RBM6: variants seen among roughly 807,000 people sequenced by gnomAD.
The protein encoded by RBM6 is RNA binding motif protein 6, also known as RNA-binding protein 6.
RBM6 carries 23 observed loss-of-function variants against 140.4 expected under a neutral mutation model. The ratio of observed to expected loss-of-function variants is 0.16; its 90% confidence interval spans 0.12 to 0.23. The LOEUF (loss-of-function observed/expected upper bound fraction) is 0.23. Among genes scored for constraint, RBM6 ranks in the 10% least tolerant of loss-of-function variants. The probability of loss-of-function intolerance (pLI) is 1.00; values close to 1 mark genes in which losing one functional copy is unlikely to be tolerated. For missense variants in RBM6, 1,139 were observed against 1,386.7 expected, an observed-to-expected ratio of 0.82 and a Z score of 2.84; for synonymous variants, 439 against 475.6, an observed-to-expected ratio of 0.92 and a Z score of 1.00.
chr3:49,952,778 G>A (rs563716805), intron 1 of RBM6, among the ~76,000 whole-genome samples: 18 of 152,228 alleles, frequency 1.2e-4, no homozygotes, highest in African/African-American at 3.9e-4. Flanking sequence ...GATTACAGGC[G>A]TGTGCCACTG....
At chr3:49,992,749 AAAG>A (rs1269805848) in intron 5 of RBM6, among the ~76,000 whole-genome samples, 2 of 152,198 alleles carry the variant, frequency 1.3e-5, no homozygotes, top group Non-Finnish European at 2.9e-5. Flanking sequence ...TACAGAAATG[AAAG>A]AAGATCACAG....
intron 2 of RBM6, among the ~76,000 whole-genome samples, chr3:49,964,128 A>G (rs2108622915): frequency 6.6e-6 from 1 of 152,172 alleles, no homozygotes; most frequent in Middle Eastern, 3.4e-3. Context: ...GCTGATCTCA[A>G]ACTCCTGACC....
intron 19 of RBM6, among the ~76,000 whole-genome samples, chr3:50,071,077 C>T (rs1480967108): frequency 6.6e-6 from 1 of 152,194 alleles, no homozygotes; most frequent in East Asian, 1.9e-4. Context: ...CATAGATTAT[C>T]CTTGACTGAA....
chr3:50,067,287 G>A lies in RBM6; in HGVS notation c.2943+785G>A, dbSNP rs146187328. On this transcript the variant is annotated intron_variant, in intron 17 of 20. Transcript: ENST00000266022. Reference sequence around the variant, plus strand: ...CTATCATTAAAACAGTCCAATTCAAGAATGAATTGCTCTGGATTAAGGTTA... The same window carrying A: ...CTATCATTAAAACAGTCCAATTCAAAAATGAATTGCTCTGGATTAAGGTTA... Among the ~76,000 whole-genome samples the A allele has an allele frequency of 6.0e-3, 888 of 147,352 alleles. 3 individuals carry two copies. The highest frequency in any genetic ancestry group is 9.8e-3 in the Non-Finnish European group (661 of 67,210).
intron 15 of RBM6, among the ~76,000 whole-genome samples, chr3:50,063,139 T>C (rs188127269): frequency 6.6e-6 from 1 of 152,250 alleles, no homozygotes; most frequent in Non-Finnish European, 1.5e-5. Flanking sequence ...GTAAGCTTCC[T>C]GTCTCAGTCT....
intron 5 of RBM6, among the ~76,000 whole-genome samples, chr3:49,987,839 G>A (rs968259478): frequency 4.0e-5 from 6 of 151,856 alleles, no homozygotes; most frequent in Admixed American, 2.6e-4. Context: ...GGGTTTTGCC[G>A]TGTAGGCCAG....
intron 15 of RBM6, among the ~76,000 whole-genome samples, chr3:50,062,799 GC>G (rs1201355140): frequency 6.6e-6 from 1 of 151,038 alleles, no homozygotes; most frequent in Non-Finnish European, 1.5e-5. Context: ...TATTTTTAAT[GC>G]CCACATGGTA....
rs146619251 is a variant in RBM6 at position 49,975,338 on chromosome 3, C to T, written c.1429C>T (p.Arg477Trp). The change falls in exon 5 of 21, where the codon CGG (arginine) becomes TGG (tryptophan). Residue 477 changes from arginine (R) to tryptophan (W), a missense_variant. Arg to Trp is a moderately radical substitution (Grantham distance 101). Around this residue, in one of 9 missense-constraint regions of RBM6, gnomAD observed 566 missense variants for 612.7 expected, o/e 0.92. Coordinates refer to ENST00000266022, the MANE Select transcript of RBM6 (RefSeq NM_005777.3). ...ATKEEILNAF[R>W]TPDGMPVKNL... is the part of the protein sequence containing the mutation. Reference sequence around the variant, plus strand: ...ATTTTTGCAGATTCTTAATGCTTTTCGGACTCCTGATGGCATGCCTGTAAA... The same window carrying T: ...ATTTTTGCAGATTCTTAATGCTTTTTGGACTCCTGATGGCATGCCTGTAAA... 40 of 1,613,134 alleles carry T rather than the reference C, an allele frequency of 2.5e-5. No homozygotes were observed. The highest frequency in any genetic ancestry group is 2.2e-4 in the South Asian group (20 of 91,062).
chr3:49,986,477 C>G (rs2085561090), intron 5 of RBM6, among the ~76,000 whole-genome samples: 2 of 151,394 alleles, frequency 1.3e-5, no homozygotes, highest in Non-Finnish European at 2.9e-5. Flanking sequence ...CTCCTGTAGT[C>G]CCAGCTAATT....
At chr3:50,061,332 C>A in intron 13 of RBM6, 111 bp downstream of exon 13, 2 of 1,589,220 alleles carry the variant, frequency 1.3e-6, no homozygotes, top group South Asian at 1.1e-5. Context: ...TGAGGGTGCT[C>A]ATCCAGAGAG....
intron 6 of RBM6, among the ~76,000 whole-genome samples, chr3:50,033,148 T>G (rs2088283095): frequency 6.6e-6 from 1 of 151,606 alleles, no homozygotes; most frequent in South Asian, 2.1e-4. Context: ...AATACAAAAA[T>G]TAGCTGGGCA....
intron 1 of RBM6, among the ~76,000 whole-genome samples, chr3:49,952,158 C>T (rs150968415): frequency 1.3e-5 from 2 of 151,944 alleles, no homozygotes; most frequent in African/African-American, 2.4e-5. Flanking sequence ...CCTCAGCCTC[C>T]CGAGTATATA....
intron 7 of RBM6, among the ~76,000 whole-genome samples, chr3:50,053,536 GAA>G (rs200999068): frequency 7.5e-6 from 1 of 134,186 alleles, no homozygotes; most frequent in African/African-American, 2.7e-5. Context: ...CGTCTCAAAA[GAA>G]AAAAAAAAAA....
chr3:50,046,845 T>A (rs909958784), intron 6 of RBM6, among the ~76,000 whole-genome samples: 107 of 152,366 alleles, frequency 7.0e-4, no homozygotes, highest in Non-Finnish European at 1.0e-4. Context: ...TAAGTCCAGC[T>A]GTGCCCTTCA....
intron 1 of RBM6, among the ~76,000 whole-genome samples, chr3:49,941,589 G>C (rs2083279881): frequency 7.3e-6 from 1 of 136,418 alleles, no homozygotes; most frequent in South Asian, 2.6e-4. Flanking sequence ...GCGGTGAGCT[G>C]AGATTGCTCC....
At chr3:50,066,841 C>T (rs1390873552) in intron 17 of RBM6, among the ~76,000 whole-genome samples, 3 of 148,400 alleles carry the variant, frequency 2.0e-5, no homozygotes, top group Non-Finnish European at 4.5e-5. Flanking sequence ...AAAAACAAAA[C>T]AAAACAAAAC....
chr3:50,032,094 C>G (rs1389499159), intron 6 of RBM6, among the ~76,000 whole-genome samples: 2 of 152,134 alleles, frequency 1.3e-5, no homozygotes, highest in Non-Finnish European at 2.9e-5. Flanking sequence ...GGCTGCAGAA[C>G]GTCTTTATTT....
At chr3:50,044,597 GAA>G (rs1283249140) in intron 6 of RBM6, among the ~76,000 whole-genome samples, 1 of 150,094 alleles carries the variant, frequency 6.7e-6, no homozygotes, top group African/African-American at 2.4e-5. Flanking sequence ...AAAAAAAAAA[GAA>G]TGGACATCTA....
intron 2 of RBM6, chr3:49,963,111 CA>C (rs1219576596): frequency 3.3e-3 from 222 of 67,180 alleles, no homozygotes; most frequent in Middle Eastern, 8.8e-3. Context: ...AAAACAAAAA[CA>C]AAAAAAAAAA....
Sources: allele counts gnomAD v4.1 joint callset (sites outside exome capture counted in the v4.1 genomes callset), GRCh38; gene constraint gnomAD v4.1.1; regional missense constraint gnomAD v4.1.1; transcripts MANE v1.5; gene names NCBI Gene and HGNC (gene_info 2026-07-23, HGNC 2026-07-21).